The following GTF2IRD1 variants were observed in gnomAD, a reference collection of about 807,000 sequenced individuals.
The protein encoded by GTF2IRD1 is general transcription factor II-I repeat domain-containing protein 1.
Under a neutral mutation model 113.2 loss-of-function variants are expected in GTF2IRD1, and 26 were observed. The observed-to-expected ratio is 0.23, with a 90% CI of 0.17 to 0.32. The LOEUF (loss-of-function observed/expected upper bound fraction) is 0.32. GTF2IRD1 is among the 10% of genes least tolerant of loss of function. The pLI, the probability that GTF2IRD1 is intolerant of heterozygous loss-of-function variation, is 1.00. For synonymous variants in GTF2IRD1, 484 were observed against 529.1 expected, an observed-to-expected ratio of 0.91 and a Z score of 1.17; for missense variants, 864 against 1,280.8, an observed-to-expected ratio of 0.67 and a Z score of 4.97.
In GTF2IRD1 at chr7:74,547,620, G is replaced by C. The variant is rs1196406632; in HGVS notation, c.1916+334G>C. ...CGCCCGGCTAATTTTTGTATTTTTAGTGGAGACAGGGTTTCACCATGTTGG... is the reference window on the plus strand; with the variant it reads ...CGCCCGGCTAATTTTTGTATTTTTACTGGAGACAGGGTTTCACCATGTTGG... On this transcript the variant is annotated intron_variant, in intron 17 of 26. Coordinates refer to ENST00000424337, the MANE Select transcript of GTF2IRD1 (RefSeq NM_005685.4). Among the ~76,000 whole-genome samples the C allele has an allele frequency of 1.1e-4, 16 of 151,814 alleles. No individual in the cohort carries two copies. The East Asian group carries it at 2.9e-3, about 28-fold the overall frequency.
chr7:74,454,505 C>A (rs1271789326), intron 1 of GTF2IRD1, among the ~76,000 whole-genome samples: 3 of 152,054 alleles, frequency 2.0e-5, no homozygotes, highest in East Asian at 1.9e-4. Flanking sequence ...CTGCAGTTGG[C>A]GAATGAGGTC....
intron 7 of GTF2IRD1, among the ~76,000 whole-genome samples, chr7:74,521,957 G>A (rs898265646): frequency 1.2e-4 from 19 of 152,108 alleles, no homozygotes; most frequent in East Asian, 3.9e-4. Flanking sequence ...CAACTGGGGC[G>A]GGAGGAGACG....
chr7:74,502,713 A>G (rs139366125), intron 1 of GTF2IRD1, among the ~76,000 whole-genome samples: 2 of 152,172 alleles, frequency 1.3e-5, no homozygotes, highest in Admixed American at 6.5e-5. Flanking sequence ...GCGGCCGGCA[A>G]ATCTGCTGCT....
intron 1 of GTF2IRD1, among the ~76,000 whole-genome samples, chr7:74,470,251 C>T (rs1047329355): frequency 1.1e-4 from 16 of 152,130 alleles, no homozygotes; most frequent in African/African-American, 3.9e-4. Context: ...TCTCAAAGTG[C>T]TGAGATAGAT....
At chr7:74,489,263 G>A (rs1247376707) in intron 1 of GTF2IRD1, among the ~76,000 whole-genome samples, 2 of 152,158 alleles carry the variant, frequency 1.3e-5, no homozygotes, top group African/African-American at 2.4e-5. Context: ...CTCACCTCCC[G>A]GGCTGATTCT....
At chr7:74,539,607 G>A (rs1220169336) in intron 13 of GTF2IRD1, among the ~76,000 whole-genome samples, 2 of 152,056 alleles carry the variant, frequency 1.3e-5, no homozygotes, top group African/African-American at 2.4e-5. Context: ...AGCCAGGCAT[G>A]GTGGCTCACG....
intron 8 of GTF2IRD1, 93 bp from the exon 9 acceptor site, chr7:74,529,641 G>T: frequency 1.0e-6 from 1 of 972,530 alleles, no homozygotes; most frequent in East Asian, 2.6e-5. Context: ...GTGGAGTGGG[G>T]ACGGTGGGAG....
At position 74,517,004 on chromosome 7, in the gene GTF2IRD1, G is replaced by T. The variant is rs72613370; in HGVS notation, c.422-1135G>T. ...TCTCTTTCTCCTCTCTCCTGTCTTTGTTGTTGTTGTTGTTGTTGTTGTTGT... is the reference window on the plus strand; with the variant it reads ...TCTCTTTCTCCTCTCTCCTGTCTTTTTTGTTGTTGTTGTTGTTGTTGTTGT... On this transcript the variant is annotated intron_variant, in intron 4 of 26. Transcript: ENST00000424337. 9.7e-3 allele frequency among the ~76,000 whole-genome samples: 801 copies of T among 82,880 alleles called. 6 individuals are homozygous for T. Among genetic ancestry groups the T allele is most frequent in the African/African-American group, 0.038 (604 of 15,812 alleles). 54.4% of individuals were successfully genotyped at this position (82,880 alleles called of 152,430 possible). A position where few individuals can be genotyped will look rare whatever the true frequency, so the allele number is the denominator to read the frequency against.
intron 14 of GTF2IRD1, among the ~76,000 whole-genome samples, chr7:74,542,075 G>A (rs1485353980): frequency 6.7e-5 from 10 of 149,664 alleles, no homozygotes; most frequent in African/African-American, 2.5e-4. Flanking sequence ...CAGTCTGGGT[G>A]CCACAGCAAG....
At chr7:74,599,960 C>T (rs987805372) in intron 25 of GTF2IRD1, among the ~76,000 whole-genome samples, 4 of 152,282 alleles carry the variant, frequency 2.6e-5, no homozygotes, top group Admixed American at 1.3e-4. Context: ...TCCGGAGCCA[C>T]GCAGACTTGG....
chr7:74,555,161 T>A lies in GTF2IRD1; in HGVS notation c.1917-13T>A. The A allele has an allele frequency of 6.2e-7, 1 of 1,613,200 alleles. No homozygotes were observed. The highest frequency in any genetic ancestry group is 8.5e-7 in the Non-Finnish European group (1 of 1,179,610). ...GGAGGGACCTCTGTGATAGCCTCGC[T>A]TGTGTTTTCCAGGCCCGAGCTGCTC... On this transcript the variant is annotated splice_polypyrimidine_tract_variant and intron_variant, in intron 17 of 26. Coordinates refer to ENST00000424337, the MANE Select transcript of GTF2IRD1 (RefSeq NM_005685.4). The surrounding 1 kb of genome is among the most constrained non-coding windows in gnomAD (Gnocchi z 5.3).
intron 4 of GTF2IRD1, among the ~76,000 whole-genome samples, chr7:74,517,835 C>T (rs1333022325): frequency 6.6e-6 from 1 of 152,108 alleles, no homozygotes. Flanking sequence ...GCCCTTGAGT[C>T]CCCGATTTCC....
At chr7:74,485,659 C>A (rs1046267588) in intron 1 of GTF2IRD1, among the ~76,000 whole-genome samples, 5 of 151,848 alleles carry the variant, frequency 3.3e-5, no homozygotes, top group Admixed American at 1.3e-4. Context: ...CAGTGGCTCA[C>A]ACCTATAATC....
At chr7:74,589,468 C>T (rs1562896307) in intron 22 of GTF2IRD1, among the ~76,000 whole-genome samples, 1 of 151,996 alleles carries the variant, frequency 6.6e-6, no homozygotes, top group African/African-American at 2.4e-5. Flanking sequence ...GAGGCTGAGG[C>T]GGGTGGATCA....
At chr7:74,570,927 C>T (rs1170664270) in intron 22 of GTF2IRD1, among the ~76,000 whole-genome samples, 1 of 152,214 alleles carries the variant, frequency 6.6e-6, no homozygotes, top group Admixed American at 6.5e-5. Flanking sequence ...GCCACCAGCT[C>T]CCCACAGCTC....
At chr7:74,474,544 A>G (rs1794296658) in intron 1 of GTF2IRD1, among the ~76,000 whole-genome samples, 1 of 152,288 alleles carries the variant, frequency 6.6e-6, no homozygotes, top group African/African-American at 2.4e-5. Flanking sequence ...GTGCAGGGCC[A>G]TGTTTACTCC....
chr7:74,602,257 A>G (rs1802806017), intron 26 of GTF2IRD1, 108 bp from the exon 27 acceptor site: 6 of 1,368,196 alleles, frequency 4.4e-6, no homozygotes, highest in Non-Finnish European at 5.8e-6. Context: ...AATAAAAAAT[A>G]TAAATAAATA....
At chr7:74,464,032 A>G (rs1046714040) in intron 1 of GTF2IRD1, among the ~76,000 whole-genome samples, 1 of 152,028 alleles carries the variant, frequency 6.6e-6, no homozygotes, top group Non-Finnish European at 1.5e-5. Context: ...CCCTAGGACC[A>G]CTTTTACCAG....
intron 22 of GTF2IRD1, among the ~76,000 whole-genome samples, chr7:74,574,057 C>T (rs145049583): frequency 6.6e-6 from 1 of 151,910 alleles, no homozygotes; most frequent in Non-Finnish European, 1.5e-5. Context: ...AATCTCAGCT[C>T]ACTGCAACCT....
Sources: gnomAD v4.1 joint callset for allele counts (sites outside exome capture counted in the v4.1 genomes callset) on GRCh38, gnomAD v4.1.1 for gene constraint, Gnocchi (gnomAD v3.1) non-coding constraint, MANE v1.5 for transcripts, NCBI Gene and HGNC (gene_info 2026-07-23, HGNC 2026-07-21) for gene names.